Variants in TENM2 observed in about 807,000 individuals in gnomAD.
The protein encoded by TENM2 is teneurin-2.
In TENM2, 52 loss-of-function variants were observed where a neutral mutation model predicts 245.2. The ratio of observed to expected loss-of-function variants is 0.21; its 90% confidence interval spans 0.17 to 0.27. The LOEUF (loss-of-function observed/expected upper bound fraction) is 0.27. Ranked by LOEUF, TENM2 falls within the 10% of genes least tolerant of loss-of-function variation. TENM2 has a pLI of 1.00. For missense variants in TENM2, 3,046 were observed against 3,666.8 expected (o/e 0.83, Z 4.37); for synonymous variants, 1,363 against 1,438.9 (o/e 0.95, Z 1.19).
At chr5:167,114,490 G>A in the TENM2 span, among the ~76,000 whole-genome samples, 1 of 152,252 alleles carries the variant, frequency 6.6e-6, no homozygotes, top group African/African-American at 2.4e-5. Flanking sequence ...TCCTAGAAGA[G>A]ATATCAGTTA....
At chr5:167,476,668 G>T (rs976760601) in intron 2 of TENM2, among the ~76,000 whole-genome samples, 6 of 152,100 alleles carry the variant, frequency 3.9e-5, no homozygotes, top group Non-Finnish European at 8.8e-5. Context: ...GCATGGTCTT[G>T]GCTCACTGCA....
At chr5:167,462,258 A>G (rs530744104) in intron 2 of TENM2, among the ~76,000 whole-genome samples, 4 of 132,358 alleles carry the variant, frequency 3.0e-5, no homozygotes, top group South Asian at 4.9e-4. Flanking sequence ...AACCCCTTAC[A>G]GGAGGGGGAG....
At chr5:168,060,574 C>T (rs574994937) in intron 6 of TENM2, among the ~76,000 whole-genome samples, 1 of 152,248 alleles carries the variant, frequency 6.6e-6, no homozygotes, top group African/African-American at 2.4e-5. Flanking sequence ...GACCTCATTC[C>T]CTACTTTTAT....
chr5:167,467,723 C>T (rs1766757177), intron 2 of TENM2, among the ~76,000 whole-genome samples: 1 of 151,966 alleles, frequency 6.6e-6, no homozygotes, highest in South Asian at 2.1e-4. Flanking sequence ...ACTGAATAAG[C>T]TAAATTAAAA....
chr5:167,246,958 A>G, the TENM2 span, among the ~76,000 whole-genome samples: 11 of 152,102 alleles, frequency 7.2e-5, no homozygotes, highest in Admixed American at 3.9e-4. Flanking sequence ...ATAGCAAATT[A>G]GCAAACACCA....
chr5:167,356,210 A>AG (rs1759315715), intron 1 of TENM2, among the ~76,000 whole-genome samples: 1 of 141,670 alleles, frequency 7.1e-6, no homozygotes, highest in African/African-American at 2.8e-5. Context: ...AAAAAAAAAA[A>AG]AAAAAAAAAA....
intron 2 of TENM2, among the ~76,000 whole-genome samples, chr5:167,432,892 T>C (rs557926702): frequency 6.6e-6 from 1 of 152,168 alleles, no homozygotes; most frequent in South Asian, 2.1e-4. Context: ...GTTCATAGTA[T>C]GTACTTTGGT....
chr5:167,156,586 C>T, the TENM2 span, among the ~76,000 whole-genome samples: 2 of 152,160 alleles, frequency 1.3e-5, no homozygotes, highest in Non-Finnish European at 2.9e-5. Context: ...CACATCCAAA[C>T]CTTTGAAGCC....
the TENM2 span, among the ~76,000 whole-genome samples, chr5:167,136,250 C>A: frequency 6.6e-6 from 1 of 152,172 alleles, no homozygotes; most frequent in African/African-American, 2.4e-5. Flanking sequence ...TCATTGTGGT[C>A]TGAAACGTAT....
At position 168,171,414 on chromosome 5, in the gene TENM2, C is replaced by T. The variant is rs146787539; in HGVS notation, c.2569+8657C>T. 1.4e-4 allele frequency among the ~76,000 whole-genome samples: 21 copies of T among 152,254 alleles called. No individual in the cohort carries two copies. In the East Asian group the frequency reaches 3.7e-3, roughly 27 times the overall value. ...CTTTAAAACCATTGGCTCCTTTTTT[C>T]TAAAACACTCAAAAAATTTGGACAG... On this transcript the variant is annotated intron_variant, in intron 13 of 28. Transcript: ENST00000518659.
intron 2 of TENM2, among the ~76,000 whole-genome samples, chr5:167,866,078 G>A (rs987044740): frequency 3.3e-5 from 5 of 152,180 alleles, no homozygotes; most frequent in African/African-American, 1.2e-4. Flanking sequence ...AAGTACATAG[G>A]CTAACATGTA....
chr5:167,164,515 T>C, the TENM2 span, among the ~76,000 whole-genome samples: 3 of 152,212 alleles, frequency 2.0e-5, no homozygotes, highest in Non-Finnish European at 4.4e-5. Context: ...TATGGGAACA[T>C]TATAAGTATT....
intron 2 of TENM2, among the ~76,000 whole-genome samples, chr5:167,829,056 G>A (rs1030040772): frequency 6.6e-6 from 1 of 152,218 alleles, no homozygotes; most frequent in Non-Finnish European, 1.5e-5. Context: ...GCTACTGAGA[G>A]TGTTGTGCTT....
At position 168,247,098 on chromosome 5, in the gene TENM2, C is replaced by T. The variant is rs2152691149; in HGVS notation, c.6159C>T (p.Asn2053=). The change falls in exon 27 of 29, where the codon AAC becomes AAT. Residue 2053 remains asparagine, a synonymous_variant. Transcript: ENST00000518659. This position sits in a 1 kb window ranked among gnomAD's most constrained non-coding sequence, Gnocchi z 7.8. ...CCACTGGTGTCTTGAAGATGGTCAA[C>T]CTCCAAAGTGGGGGCTTCTCCTGCA... 5 of 1,613,944 alleles carry T rather than the reference C, an allele frequency of 3.1e-6. No individual in the cohort carries two copies. The highest frequency in any genetic ancestry group is 4.2e-6 in the Non-Finnish European group (5 of 1,179,882).
chr5:167,661,134 C>A (rs1252314079), intron 2 of TENM2, among the ~76,000 whole-genome samples: 1 of 152,146 alleles, frequency 6.6e-6, no homozygotes, highest in Non-Finnish European at 1.5e-5. Flanking sequence ...GTGACTGTCC[C>A]TGGAATACTA....
chr5:168,070,850 G>A (rs1373234878), intron 7 of TENM2, among the ~76,000 whole-genome samples: 1 of 149,072 alleles, frequency 6.7e-6, no homozygotes, highest in East Asian at 2.0e-4. Context: ...GAAAAAGAGA[G>A]GAAGGAAGGA....
the TENM2 span, among the ~76,000 whole-genome samples, chr5:167,112,449 C>T: frequency 6.6e-6 from 1 of 152,118 alleles, no homozygotes; most frequent in Non-Finnish European, 1.5e-5. Flanking sequence ...GGTTCATGTA[C>T]ATATGAAATG....
chr5:167,987,392 G>T (rs1032515894), intron 4 of TENM2, among the ~76,000 whole-genome samples: 1 of 151,280 alleles, frequency 6.6e-6, no homozygotes, highest in Admixed American at 6.6e-5. Flanking sequence ...CAATGGCACG[G>T]TCTCAGCTCA....
At chr5:168,121,275 C>T (rs1432054736) in intron 10 of TENM2, among the ~76,000 whole-genome samples, 1 of 152,200 alleles carries the variant, frequency 6.6e-6, no homozygotes, top group African/African-American at 2.4e-5. Context: ...AGGCCACTGT[C>T]CCCTTTTAAG....
Sources: allele counts gnomAD v4.1 joint callset (sites outside exome capture counted in the v4.1 genomes callset), GRCh38; gene constraint gnomAD v4.1.1; non-coding constraint Gnocchi (gnomAD v3.1); transcripts MANE v1.5; gene names NCBI Gene and HGNC (gene_info 2026-07-23, HGNC 2026-07-21).